CDH10: variants seen among roughly 807,000 people sequenced by gnomAD.
The protein encoded by CDH10 is cadherin 10, also known as cadherin-10.
A neutral mutation model predicts 73.1 loss-of-function variants in CDH10; 30 were observed. The ratio of observed to expected loss-of-function variants is 0.41; its 90% confidence interval spans 0.31 to 0.56. CDH10 has a LOEUF of 0.56. CDH10 is among the 20% of genes least tolerant of loss of function. The pLI is 0.27. For synonymous variants in CDH10, 345 were observed against 348.2 expected, an observed-to-expected ratio of 0.99 and a Z score of 0.10; for missense variants, 815 against 973.7, an observed-to-expected ratio of 0.84 and a Z score of 2.17.
intron 6 of CDH10, among the ~76,000 whole-genome samples, chr5:24,510,344 A>C (rs1271611969): frequency 6.6e-6 from 1 of 152,242 alleles, no homozygotes; most frequent in Non-Finnish European, 1.5e-5. Context: ...AACCCTCTGT[A>C]ATAAGAAAAA....
chr5:24,509,002 C>A (rs1450309841), intron 7 of CDH10, among the ~76,000 whole-genome samples: 4 of 152,066 alleles, frequency 2.6e-5, no homozygotes, highest in African/African-American at 9.7e-5. Flanking sequence ...AGGTTTCAGT[C>A]TAAAGGGCAT....
chr5:24,513,272 A>G (rs1370297110), intron 5 of CDH10, among the ~76,000 whole-genome samples: 2 of 150,886 alleles, frequency 1.3e-5, no homozygotes, highest in Admixed American at 6.6e-5. Context: ...TCTCACCTCA[A>G]CCTCCCAAAG....
In CDH10 at chr5:24,602,621, A is replaced by ATG. The variant is rs368885979; in HGVS notation, c.-123-9010_-123-9009dup. 3.4e-3 allele frequency among the ~76,000 whole-genome samples: 524 copies of ATG among 152,202 alleles called. 1 individual carries two copies. Among genetic ancestry groups the ATG allele is most frequent in the African/African-American group, 0.011 (452 of 41,530 alleles). Reference sequence around the variant, plus strand: ...AAAATGTATTATTGCATTGCATTGCATGTGTGTGTATATGTGTATATGTGT... The same window carrying ATG: ...AAAATGTATTATTGCATTGCATTGCATGTGTGTGTGTATATGTGTATATGTGT... On this transcript the variant is annotated intron_variant, in intron 1 of 11. Coordinates refer to ENST00000264463, the MANE Select transcript of CDH10 (RefSeq NM_006727.5).
chr5:24,573,429 C>T (rs1745470748), intron 2 of CDH10, among the ~76,000 whole-genome samples: 1 of 151,888 alleles, frequency 6.6e-6, no homozygotes. Context: ...AGGCCGGGCG[C>T]GGTGGCTCAC....
At chr5:24,564,488 G>A (rs1187385327) in intron 2 of CDH10, among the ~76,000 whole-genome samples, 2 of 152,122 alleles carry the variant, frequency 1.3e-5, no homozygotes, top group Non-Finnish European at 2.9e-5. Flanking sequence ...CATAATGGTA[G>A]AGGTCAGATC....
At chr5:24,539,310 A>G (rs1283466220) in intron 2 of CDH10, among the ~76,000 whole-genome samples, 3 of 152,030 alleles carry the variant, frequency 2.0e-5, no homozygotes, top group Non-Finnish European at 4.4e-5. Flanking sequence ...CTATTTAAGA[A>G]GACTTTTGTT....
At chr5:24,626,721 C>T (rs959506937) in intron 1 of CDH10, among the ~76,000 whole-genome samples, 8 of 151,236 alleles carry the variant, frequency 5.3e-5, no homozygotes, top group African/African-American at 1.7e-4. Context: ...GTGCAGTGAG[C>T]GGAGAACATG....
chr5:24,493,032 T>C, intron 9 of CDH10, 107 bp from the exon 10 acceptor site: 1 of 628,316 alleles, frequency 1.6e-6, no homozygotes, highest in Non-Finnish European at 2.9e-6. Flanking sequence ...AATTGACTTT[T>C]ATTTCATGTG....
At position 24,557,963 on chromosome 5, in the gene CDH10, C is replaced by T. The variant is rs190422762; in HGVS notation, c.232-20289G>A. Among the ~76,000 whole-genome samples the T allele has an allele frequency of 2.1e-3, 325 of 151,772 alleles. 2 individuals carry two copies. The highest frequency in any genetic ancestry group is 7.5e-3 in the African/African-American group (311 of 41,508). ...TTATATTTGGCTTAAAACTTTCAAC[C>T]ACCCCCAGAATTCAAATTTTTAGAA... On this transcript the variant is annotated intron_variant, in intron 2 of 11. Coordinates refer to ENST00000264463, the MANE Select transcript of CDH10 (RefSeq NM_006727.5).
At position 24,600,593 on chromosome 5, in the gene CDH10, TGTGC is replaced by T. The variant is rs751810520; in HGVS notation, c.-123-6984_-123-6981del. ...CACAAATGAAAGAGCAGAGCGTCGG[TGTGC>T]GTGCGTGCGTGTGTGTGTGTGTGTG... On this transcript the variant is annotated intron_variant, in intron 1 of 11. Coordinates refer to ENST00000264463, the MANE Select transcript of CDH10 (RefSeq NM_006727.5). Among the ~76,000 whole-genome samples the T allele has an allele frequency of 5.9e-5, 9 of 152,004 alleles. No individual in the cohort carries two copies. In the South Asian group the frequency reaches 8.3e-4, roughly 14 times the overall value.
At position 24,495,809 on chromosome 5, in the gene CDH10, G is replaced by A. The variant is rs185556016; in HGVS notation, c.1515+2589C>T. Reference sequence around the variant, plus strand: ...GGAGGTTGCAGTGAGCCGAGATCACGCCACTCACTGCACTCCAGCCTGGCA... The same window carrying A: ...GGAGGTTGCAGTGAGCCGAGATCACACCACTCACTGCACTCCAGCCTGGCA... On this transcript the variant is annotated intron_variant, in intron 9 of 11. Coordinates refer to ENST00000264463, the MANE Select transcript of CDH10 (RefSeq NM_006727.5). Among the ~76,000 whole-genome samples the A allele has an allele frequency of 7.6e-3, 1,124 of 148,178 alleles. 10 individuals are homozygous for A. Among genetic ancestry groups the A allele is most frequent in the African/African-American group, 0.026 (1,057 of 39,972 alleles).
At chr5:24,627,620 G>A (rs537107069) in intron 1 of CDH10, among the ~76,000 whole-genome samples, 10 of 152,142 alleles carry the variant, frequency 6.6e-5, no homozygotes, top group South Asian at 4.1e-4. Flanking sequence ...CAGGTCCCTC[G>A]TTTGTAAAAT....
At chr5:24,631,980 T>C (rs1747718766) in intron 1 of CDH10, among the ~76,000 whole-genome samples, 2 of 152,028 alleles carry the variant, frequency 1.3e-5, no homozygotes, top group South Asian at 4.1e-4. Flanking sequence ...AGAAAATACA[T>C]TTTTTGCCTT....
intron 1 of CDH10, among the ~76,000 whole-genome samples, chr5:24,636,241 A>G (rs73743681): frequency 0.016 from 2,471 of 152,060 alleles, 66 homozygotes; most frequent in African/African-American, 0.056. Context: ...TTACAGATAG[A>G]AAAAACTACC....
intron 2 of CDH10, among the ~76,000 whole-genome samples, chr5:24,577,177 G>A (rs1579833057): frequency 6.6e-6 from 1 of 151,910 alleles, no homozygotes; most frequent in Non-Finnish European, 1.5e-5. Flanking sequence ...AATTCTAGAG[G>A]TGAGAAAGGT....
At chr5:24,619,255 G>A (rs1022335310) in intron 1 of CDH10, among the ~76,000 whole-genome samples, 5 of 151,952 alleles carry the variant, frequency 3.3e-5, no homozygotes, top group Non-Finnish European at 7.4e-5. Flanking sequence ...GTGCAGTGGC[G>A]CAATCTCGGC....
chr5:24,513,609 C>T (rs749481492), intron 5 of CDH10, among the ~76,000 whole-genome samples: 11 of 152,148 alleles, frequency 7.2e-5, no homozygotes, highest in East Asian at 3.9e-4. Context: ...CATATACATA[C>T]GCTACATGTT....
At chr5:24,521,036 T>C (rs1254915731) in intron 5 of CDH10, among the ~76,000 whole-genome samples, 1 of 151,944 alleles carries the variant, frequency 6.6e-6, no homozygotes, top group Non-Finnish European at 1.5e-5. Context: ...GAATTTAAAG[T>C]ATGGGTAGCA....
chr5:24,546,332 T>TA (rs1561154174), intron 2 of CDH10, among the ~76,000 whole-genome samples: 1 of 151,914 alleles, frequency 6.6e-6, no homozygotes, highest in Non-Finnish European at 1.5e-5. Flanking sequence ...TTTTCCCCAA[T>TA]AAAAAAGAAT....
Sources: gnomAD v4.1 joint callset for allele counts (sites outside exome capture counted in the v4.1 genomes callset) on GRCh38, gnomAD v4.1.1 for gene constraint, MANE v1.5 for transcripts, NCBI Gene and HGNC (gene_info 2026-07-23, HGNC 2026-07-21) for gene names.